DOCK2: variants seen among roughly 807,000 people sequenced by gnomAD.
The protein encoded by DOCK2 is dedicator of cytokinesis 2, also known as dedicator of cytokinesis protein 2.
A neutral mutation model predicts 248.9 loss-of-function variants in DOCK2; 87 were observed. The observed-to-expected ratio is 0.35, with a 90% CI of 0.29 to 0.42. The LOEUF is 0.42. Ranked by LOEUF, DOCK2 falls within the 10% of genes least tolerant of loss-of-function variation. The pLI is 1.00. For synonymous variants in DOCK2, 805 were observed against 821.6 expected, an observed-to-expected ratio of 0.98 and a Z score of 0.35; for missense variants, 1,747 against 2,300.2, an observed-to-expected ratio of 0.76 and a Z score of 4.92.
intron 22 of DOCK2, among the ~76,000 whole-genome samples, chr5:169,736,590 A>G (rs892503228): frequency 2.6e-5 from 4 of 152,186 alleles, no homozygotes; most frequent in Admixed American, 6.5e-5. Context: ...TGGTGTTCCC[A>G]CTTTGGAAGG....
At chr5:169,858,468 G>A (rs1261975359) in intron 27 of DOCK2, among the ~76,000 whole-genome samples, 1 of 152,112 alleles carries the variant, frequency 6.6e-6, no homozygotes, top group Non-Finnish European at 1.5e-5. Context: ...AGGCGTGGTA[G>A]GTCCAAGAAA....
At chr5:169,722,319 A>C (rs998284809) in intron 22 of DOCK2, among the ~76,000 whole-genome samples, 6 of 152,204 alleles carry the variant, frequency 3.9e-5, no homozygotes, top group Admixed American at 2.6e-4. Context: ...ATGGACACTA[A>C]GCAGCTCCCT....
At chr5:169,973,018 T>A (rs1476277924) in intron 27 of DOCK2, among the ~76,000 whole-genome samples, 1 of 152,200 alleles carries the variant, frequency 6.6e-6, no homozygotes, top group Non-Finnish European at 1.5e-5. Context: ...GAGGCCTGGA[T>A]GATACGTTTG....
chr5:169,762,890 G>A (rs1286363990), intron 25 of DOCK2, among the ~76,000 whole-genome samples: 1 of 152,162 alleles, frequency 6.6e-6, no homozygotes, highest in Non-Finnish European at 1.5e-5. Flanking sequence ...CAAATTGCCT[G>A]GTAATCACAG....
intron 41 of DOCK2, among the ~76,000 whole-genome samples, chr5:170,051,058 G>A (rs2113853247): frequency 6.6e-6 from 1 of 152,302 alleles, no homozygotes; most frequent in Middle Eastern, 3.4e-3. Flanking sequence ...AGAGTACTGT[G>A]GTTGGGAAAG....
chr5:170,056,815 G>A, intron 43 of DOCK2, 47 bp downstream of exon 43: 1 of 1,562,008 alleles, frequency 6.4e-7, no homozygotes, highest in Non-Finnish European at 8.8e-7. Flanking sequence ...CCACCTGGAG[G>A]AACCAGAGCA....
At chr5:169,720,113 A>G (rs1762112894) in intron 22 of DOCK2, among the ~76,000 whole-genome samples, 5 of 152,240 alleles carry the variant, frequency 3.3e-5, no homozygotes. Flanking sequence ...CACTTAGGTC[A>G]TTCTGAAAGT....
chr5:170,057,326 A>C, intron 43 of DOCK2: 1 of 537,278 alleles, frequency 1.9e-6, no homozygotes, highest in Non-Finnish European at 3.3e-6. Context: ...ATTGCCTAAA[A>C]ATTCAGACTG....
intron 27 of DOCK2, chr5:169,882,543 A>G (rs1247747565): frequency 2.6e-6 from 4 of 1,521,252 alleles, no homozygotes; most frequent in Non-Finnish European, 3.5e-6. Context: ...TGAAAAAAAA[A>G]TCTCCTTACC....
At chr5:169,687,274 A>G (rs1469715263) in intron 8 of DOCK2, among the ~76,000 whole-genome samples, 7 of 152,354 alleles carry the variant, frequency 4.6e-5, no homozygotes, top group Middle Eastern at 3.4e-3. Flanking sequence ...TGCAAACTCC[A>G]CTACAATTTT....
chr5:169,995,977 C>T (rs925889713), intron 29 of DOCK2, 109 bp from the exon 30 acceptor site: 2 of 1,141,012 alleles, frequency 1.8e-6, no homozygotes, highest in Non-Finnish European at 2.5e-6. Flanking sequence ...AGTAATTTGG[C>T]CTTTGAGCCT....
intron 27 of DOCK2, among the ~76,000 whole-genome samples, chr5:169,935,051 G>A: frequency 6.6e-6 from 1 of 152,156 alleles, no homozygotes. Context: ...AATAGAAAGA[G>A]CACTGGAGAG....
At chr5:169,962,562 G>C (rs111994398) in intron 27 of DOCK2, among the ~76,000 whole-genome samples, 11 of 152,300 alleles carry the variant, frequency 7.2e-5, no homozygotes, top group African/African-American at 2.6e-4. Flanking sequence ...TCTATCACTA[G>C]ATCTGCAAAT....
chr5:169,785,743 G>A (rs1765949185), intron 25 of DOCK2, among the ~76,000 whole-genome samples: 1 of 152,180 alleles, frequency 6.6e-6, no homozygotes, highest in African/African-American at 2.4e-5. Flanking sequence ...GCTAAGATGA[G>A]CTTGCCTTTC....
intron 46 of DOCK2, chr5:170,075,432 CCTT>C (rs1183930050): frequency 2.6e-5 from 4 of 153,282 alleles, no homozygotes; most frequent in Non-Finnish European, 5.8e-5. Context: ...ACATTCATAT[CCTT>C]CTTCAGCAGC....
At chr5:169,995,610 G>A (rs1308977698) in intron 29 of DOCK2, among the ~76,000 whole-genome samples, 2 of 152,236 alleles carry the variant, frequency 1.3e-5, no homozygotes, top group South Asian at 4.1e-4. Flanking sequence ...CTGTGAAACA[G>A]CATTTGTTGT....
chr5:169,967,373 T>A (rs963280604), intron 27 of DOCK2, among the ~76,000 whole-genome samples: 1 of 152,236 alleles, frequency 6.6e-6, no homozygotes, highest in Non-Finnish European at 1.5e-5. Context: ...TGCTGAACAA[T>A]GCTTCTGGTA....
intron 27 of DOCK2, among the ~76,000 whole-genome samples, chr5:169,849,231 C>A (rs261085): frequency 0.2 from 30,982 of 152,124 alleles, 4,725 homozygotes; most frequent in African/African-American, 0.43. Context: ...TAGCTAAGCA[C>A]CTGGTGTGTT....
At chr5:170,051,732 C>T (rs752918437) in intron 41 of DOCK2, among the ~76,000 whole-genome samples, 9 of 152,194 alleles carry the variant, frequency 5.9e-5, no homozygotes, top group African/African-American at 1.9e-4. Context: ...CCCACTCCCT[C>T]GTGCCTGGTA....
Sources: allele counts gnomAD v4.1 joint callset (sites outside exome capture counted in the v4.1 genomes callset), GRCh38; gene constraint gnomAD v4.1.1; transcripts MANE v1.5; gene names NCBI Gene and HGNC (gene_info 2026-07-23, HGNC 2026-07-21).